The following ZCCHC2 variants were observed in gnomAD, a reference collection of about 807,000 sequenced individuals.
The protein encoded by ZCCHC2 is zinc finger CCHC-type containing 2, also known as zinc finger CCHC domain-containing protein 2.
A neutral mutation model predicts 103.6 loss-of-function variants in ZCCHC2; 39 were observed. The ratio of observed to expected loss-of-function variants is 0.38; its 90% confidence interval spans 0.29 to 0.49. The LOEUF (loss-of-function observed/expected upper bound fraction) is 0.49. Among genes scored for constraint, ZCCHC2 ranks in the 20% least tolerant of loss-of-function variants. The pLI, the probability that ZCCHC2 is intolerant of heterozygous loss-of-function variation, is 0.96. For missense variants in ZCCHC2, 1,483 were observed against 1,491.0 expected (o/e 0.99, Z 0.09); for synonymous variants, 687 against 608.9 (o/e 1.13, Z -1.89).
At chr18:62,566,412 C>T (rs890528995) in intron 11 of ZCCHC2, among the ~76,000 whole-genome samples, 16 of 152,174 alleles carry the variant, frequency 1.1e-4, no homozygotes, top group African/African-American at 2.2e-4. Flanking sequence ...GGCAGCTTAA[C>T]GGAGGAGGAA....
At chr18:62,528,520 A>G (rs1568536046) in intron 1 of ZCCHC2, among the ~76,000 whole-genome samples, 2 of 150,522 alleles carry the variant, frequency 1.3e-5, no homozygotes, top group Admixed American at 1.3e-4. Flanking sequence ...AATCGCTTGA[A>G]CCTGGGAGGC....
At chr18:62,558,457 A>G (rs1915982686) in intron 6 of ZCCHC2, 2 of 281,994 alleles carry the variant, frequency 7.1e-6, no homozygotes, top group Non-Finnish European at 1.3e-5. Context: ...ACAGATATGA[A>G]ATGACTTGTC....
intron 5 of ZCCHC2, among the ~76,000 whole-genome samples, chr18:62,553,154 TTA>T (rs1389027221): frequency 1.8e-3 from 222 of 125,816 alleles, no homozygotes; most frequent in African/African-American, 5.7e-3. Flanking sequence ...GCCCTTAGAT[TTA>T]TGTGTGTGTG....
rs778827766 is a variant in ZCCHC2, at chr18:62,524,001, C to A, written c.577C>A (p.Arg193Ser). The A allele has an allele frequency of 2.0e-6, 3 of 1,485,416 alleles. No homozygotes were observed. Among genetic ancestry groups the A allele is most frequent in the Non-Finnish European group, 2.7e-6 (3 of 1,125,122 alleles). The allele number at this position is 1,485,416 out of a possible 1,614,324, so 92.0% of individuals were successfully genotyped here. A position where few individuals can be genotyped will look rare whatever the true frequency, so the allele number is the denominator to read the frequency against. ...CCGGGAGGCCGCTGGCCGTCTGCACCGCCTGCTACCCCAGGTGGACTCGGT... is the reference window on the plus strand; with the variant it reads ...CCGGGAGGCCGCTGGCCGTCTGCACAGCCTGCTACCCCAGGTGGACTCGGT... ...ENREAAGRLH[R>S]LLPQVDSVLK... Residue 193 changes from arginine to serine, a missense_variant, in exon 1 of 14, where the codon CGC (arginine) becomes AGC (serine). Around this residue, in one of 3 missense-constraint regions of ZCCHC2, gnomAD observed 568 missense variants for 525.1 expected, o/e 1.08. Transcript: ENST00000269499.
chr18:62,523,277 G>C lies in ZCCHC2; in HGVS notation c.-148G>C. Reference sequence around the variant, plus strand: ...CCGGCCGGCCACCGCCCCCCTCGCCGGCCGAGACCCGCCCCCGGCCCCGGC... The same window carrying C: ...CCGGCCGGCCACCGCCCCCCTCGCCCGCCGAGACCCGCCCCCGGCCCCGGC... On this transcript the variant is annotated 5_prime_UTR_variant, in exon 1 of 14. Transcript: ENST00000269499. The C allele has an allele frequency of 2.9e-6, 2 of 688,244 alleles. No individual in the cohort carries two copies. The highest frequency in any genetic ancestry group is 3.6e-6 in the Non-Finnish European group (2 of 562,038). 42.6% of individuals were successfully genotyped at this position (688,244 alleles called of 1,614,324 possible).
intron 11 of ZCCHC2, among the ~76,000 whole-genome samples, chr18:62,565,755 C>A (rs1916338420): frequency 6.6e-6 from 1 of 151,998 alleles, no homozygotes; most frequent in African/African-American, 2.4e-5. Flanking sequence ...CCTGGGTGCC[C>A]CTGACACATT....
Position 62,574,671 on chromosome 18 carries a change from A to G in ZCCHC2, c.2590A>G (p.Thr864Ala). The G allele has an allele frequency of 6.2e-7, 1 of 1,613,952 alleles. No homozygotes were observed. The highest frequency in any genetic ancestry group is 8.5e-7 in the Non-Finnish European group (1 of 1,179,882). ...TAGTTTCCCAGGCTCTCCTGTTGCT[A>G]CCACGGACCCCATCACAAAATCTGC... Reference protein sequence around the residue: ...PGSFPGSPVATTDPITKSASQ... With the variant: ...PGSFPGSPVAATDPITKSASQ... The change falls in exon 13 of 14, where the codon ACC becomes GCC. Residue 864 changes from threonine (T) to alanine (A), a missense_variant. By Grantham distance (58) the Thr-to-Ala change is moderately conservative. Transcript: ENST00000269499.
chr18:62,572,987 A>G (rs1303034693), intron 12 of ZCCHC2, among the ~76,000 whole-genome samples: 1 of 152,232 alleles, frequency 6.6e-6, no homozygotes, highest in Non-Finnish European at 1.5e-5. Context: ...AATATAAATT[A>G]AAATCATTGA....
At chr18:62,569,906 A>G (rs1054752503) in intron 11 of ZCCHC2, among the ~76,000 whole-genome samples, 197 bp from the exon 12 acceptor site, 2 of 152,170 alleles carry the variant, frequency 1.3e-5, no homozygotes, top group Admixed American at 1.3e-4. Context: ...TATTCTGTGC[A>G]TTGTTTTAAG....
chr18:62,554,155 C>T (rs562424383), intron 5 of ZCCHC2, among the ~76,000 whole-genome samples: 1 of 152,172 alleles, frequency 6.6e-6, no homozygotes, highest in African/African-American at 2.4e-5. Flanking sequence ...TGGCCTGTGG[C>T]CTCAACACCA....
At chr18:62,550,073 A>G (rs906842560) in intron 4 of ZCCHC2, among the ~76,000 whole-genome samples, 2 of 152,208 alleles carry the variant, frequency 1.3e-5, no homozygotes, top group African/African-American at 4.8e-5. Context: ...AGGTCCATGC[A>G]GGCATCCTCC....
intron 4 of ZCCHC2, among the ~76,000 whole-genome samples, chr18:62,550,025 G>A (rs1340730904): frequency 6.6e-6 from 1 of 152,214 alleles, no homozygotes; most frequent in Non-Finnish European, 1.5e-5. Context: ...ACCTTAGCAT[G>A]GGTGTCATTT....
exon 15 of ZCCHC2, chr18:62,586,287 C>A (rs879338734): frequency 1.3e-5 from 2 of 151,926 alleles, no homozygotes; most frequent in Non-Finnish European, 2.9e-5. Context: ...ATTTGAAGTT[C>A]TTATTTCGTG....
rs1914194671 is a variant in ZCCHC2, at chr18:62,523,852, A to G, written c.428A>G (p.His143Arg). Residue 143 changes from histidine to arginine, a missense_variant, in exon 1 of 14, where the codon CAC becomes CGC. Coordinates refer to ENST00000269499, the MANE Select transcript of ZCCHC2 (RefSeq NM_017742.6). ...CLEDLARKDY[H>R]YLRDSEAKAN... ...GAGGACCTGGCGCGCAAGGACTACC[A>G]CTACCTGCGCGACTCGGAGGCCAAG... is the stretch of plus-strand genomic sequence containing the variant. 3 of 1,544,844 alleles carry G rather than the reference A, an allele frequency of 1.9e-6. No homozygotes were observed. The highest frequency in any genetic ancestry group is 2.6e-6 in the Non-Finnish European group (3 of 1,146,278).
At chr18:62,530,110 T>C (rs1914617603) in intron 1 of ZCCHC2, among the ~76,000 whole-genome samples, 1 of 152,208 alleles carries the variant, frequency 6.6e-6, no homozygotes, top group Non-Finnish European at 1.5e-5. Flanking sequence ...CAATTCCTCA[T>C]GGGTATTGGG....
intron 11 of ZCCHC2, among the ~76,000 whole-genome samples, chr18:62,567,836 T>G (rs1257582933): frequency 1.3e-5 from 2 of 149,876 alleles, no homozygotes; most frequent in Non-Finnish European, 2.9e-5. Flanking sequence ...TCCCAGCTAC[T>G]CGGGAGACTG....
rs758546774 is a variant in ZCCHC2, at chr18:62,575,268, G to A, written c.3187G>A (p.Ala1063Thr). ...TTGCAATGGCAGCTACCTCAACCAA[G>A]CACATCAGAGCAATGGAAACCAACT... is the stretch of plus-strand genomic sequence containing the variant. The part of the protein sequence containing the change: ...SICNGSYLNQ[A>T]HQSNGNQLPF... Residue 1063 changes from alanine to threonine, a missense_variant, in exon 13 of 14, where the codon GCA becomes ACA. Ala to Thr is a moderately conservative substitution (Grantham distance 58). Transcript: ENST00000269499. 6.8e-6 allele frequency: 11 copies of A among 1,613,832 alleles called. No individual in the cohort carries two copies. The highest frequency in any genetic ancestry group is 8.5e-6 in the Non-Finnish European group (10 of 1,179,884).
At position 62,544,912 on chromosome 18, in the gene ZCCHC2, A is replaced by G. The variant is rs768258528; in HGVS notation, c.1200+39A>G. Reference sequence around the variant, plus strand: ...TTTGTTGTTAAAATGATTTTTATATAATATACAGAATCCAGAAACCTCAAC... The same window carrying G: ...TTTGTTGTTAAAATGATTTTTATATGATATACAGAATCCAGAAACCTCAAC... On this transcript the variant is annotated intron_variant, in intron 4 of 13. Transcript: ENST00000269499. 12 of 1,447,748 alleles carry G rather than the reference A, an allele frequency of 8.3e-6. No homozygotes were observed. The South Asian group carries it at 1.4e-4, about 17-fold the overall frequency. 89.7% of individuals were successfully genotyped at this position (1,447,748 alleles called of 1,614,324 possible).
intron 11 of ZCCHC2, among the ~76,000 whole-genome samples, chr18:62,567,666 A>C (rs926689518): frequency 2.6e-5 from 4 of 152,096 alleles, no homozygotes; most frequent in Admixed American, 6.5e-5. Context: ...CACCATGGCC[A>C]GGCGCGGTGG....
Sources: gnomAD v4.1 joint callset for allele counts (sites outside exome capture counted in the v4.1 genomes callset) on GRCh38, gnomAD v4.1.1 for gene constraint, gnomAD v4.1.1 regional missense constraint, MANE v1.5 for transcripts, NCBI Gene and HGNC (gene_info 2026-07-23, HGNC 2026-07-21) for gene names.